INSR: variants seen among roughly 807,000 people sequenced by gnomAD.
INSR encodes the protein insulin receptor, also known as IR.
A neutral mutation model predicts 142.6 loss-of-function variants in INSR; 67 were observed. The observed-to-expected ratio is 0.47, with a 90% CI of 0.39 to 0.58. The LOEUF (loss-of-function observed/expected upper bound fraction) is 0.58, where lower values mean the gene tolerates loss of function less well. Ranked by LOEUF, INSR falls within the 20% of genes least tolerant of loss-of-function variation. The pLI is 0.00. For synonymous variants in INSR, 756 were observed against 743.1 expected (o/e 1.02, Z -0.28); for missense variants, 1,248 against 1,833.2 (o/e 0.68, Z 5.83).
At position 7,225,053 on chromosome 19, in the gene INSR, G is replaced by C. The variant is rs1304533501; in HGVS notation, c.653-40416C>G. Reference sequence around the variant, plus strand: ...CAGCAGCAAAGAGGAGAGAGGAGGGGAGAGGGGAGGTTGTGGCCACATGCT... The same window carrying C: ...CAGCAGCAAAGAGGAGAGAGGAGGGCAGAGGGGAGGTTGTGGCCACATGCT... On this transcript the variant is annotated intron_variant, in intron 2 of 21. Transcript: ENST00000302850. This position sits in a 1 kb window ranked among gnomAD's most constrained non-coding sequence, Gnocchi z 4.7. 6.6e-6 allele frequency among the ~76,000 whole-genome samples: 1 copy of C among 152,062 alleles called. No homozygotes were observed. The highest frequency in any genetic ancestry group is 1.9e-4 in the East Asian group (1 of 5,192).
rs754262409 is a variant in INSR, at chr19:7,185,841, C to CAAAA, written c.653-1208_653-1205dup. On this transcript the variant is annotated intron_variant, in intron 2 of 21. Coordinates refer to ENST00000302850, the MANE Select transcript of INSR (RefSeq NM_000208.4). ...CTGGGCAACAAGTGCAAAATTCTGT[C>CAAAA]AAAAAAAAAAAAAAAAAAGAGAGAG... Among the ~76,000 whole-genome samples, 55 of 45,044 alleles carry CAAAA rather than the reference C, an allele frequency of 1.2e-3. 4 individuals carry two copies. Among genetic ancestry groups the CAAAA allele is most frequent in the South Asian group, 5.6e-3 (4 of 712 alleles). 29.6% of individuals were successfully genotyped at this position (45,044 alleles called of 152,430 possible).
Position 7,122,945 on chromosome 19 carries a change from C to T in INSR, c.3303G>A (p.Val1101=). 1 of 1,608,234 alleles carries T rather than the reference C, an allele frequency of 6.2e-7. No individual in the cohort carries two copies. The highest frequency in any genetic ancestry group is 2.2e-5 in the East Asian group (1 of 44,632). ...GVVSKGQPTL[V]VMELMAHGDL... Reference sequence around the variant, plus strand: ...CTCCGTGAGCCATCAGCTCCATCACCACCAGCGTGGGCTGGCCCTTGGACA... The same window carrying T: ...CTCCGTGAGCCATCAGCTCCATCACTACCAGCGTGGGCTGGCCCTTGGACA... The change falls in exon 18 of 22, where the codon GTG becomes GTA. Residue 1101 remains valine, a synonymous_variant. Coordinates refer to ENST00000302850, the MANE Select transcript of INSR (RefSeq NM_000208.4).
chr19:7,214,902 T>C lies in INSR; in HGVS notation c.653-30265A>G, dbSNP rs182813019. On this transcript the variant is annotated intron_variant, in intron 2 of 21. Coordinates refer to ENST00000302850, the MANE Select transcript of INSR (RefSeq NM_000208.4). ...TTCCTTCCTTGTTCCCTCCCTTTTT[T>C]TTCCTTCCTTCCTTCCCCTCTCCCT... Among the ~76,000 whole-genome samples the C allele has an allele frequency of 6.1e-5, 9 of 148,594 alleles. No individual in the cohort carries two copies. The East Asian group carries it at 1.6e-3, about 27-fold the overall frequency.
chr19:7,293,419 C>G (rs1490382184), intron 1 of INSR, among the ~76,000 whole-genome samples: 1 of 152,208 alleles, frequency 6.6e-6, no homozygotes, highest in Non-Finnish European at 1.5e-5. Context: ...TGTCCAGACC[C>G]AGTGACCCCA....
chr19:7,162,965 T>A (rs939257742), intron 9 of INSR, 67 bp downstream of exon 9: 1 of 1,504,056 alleles, frequency 6.6e-7, no homozygotes, highest in South Asian at 1.1e-5. Flanking sequence ...TCCCTAGAGG[T>A]GAAGCAAAGT....
In INSR at chr19:7,125,152, G is replaced by C. The variant is rs1008899410; in HGVS notation, c.3258+131C>G. 1.8e-6 allele frequency: 2 copies of C among 1,090,464 alleles called. No individual in the cohort carries two copies. The highest frequency in any genetic ancestry group is 3.8e-5 in the Admixed American group (2 of 52,160). The allele number at this position is 1,090,464 out of a possible 1,614,324, so 67.5% of individuals were successfully genotyped here. On this transcript the variant is annotated intron_variant, in intron 17 of 21. Coordinates refer to ENST00000302850, the MANE Select transcript of INSR (RefSeq NM_000208.4). This position sits in a 1 kb window ranked among gnomAD's most constrained non-coding sequence, Gnocchi z 4.9. ...GATCCCTCCTCACACCTCTAGGATG[G>C]GAAGCTTAGTGGAGTGAGGGGTGGG...
Position 7,124,540 on chromosome 19 carries a change from GGAAAAAAAAAAAAAA to G in INSR, c.3258+728_3258+742del, listed in dbSNP as rs1972576968. The stretch of plus-strand genomic sequence containing the variant: ...CACAACAAAGCGAGACTCCGTTTCA[GGAAAAAAAAAAAAAA>G]AAAAAAAAAAAAAAAAAAAAAAAAA... On this transcript the variant is annotated intron_variant, in intron 17 of 21. Coordinates refer to ENST00000302850, the MANE Select transcript of INSR (RefSeq NM_000208.4). Among the ~76,000 whole-genome samples the G allele has an allele frequency of 1.6e-3, 17 of 10,810 alleles. 2 individuals carry two copies. Among genetic ancestry groups the G allele is most frequent in the Middle Eastern group, 0.062 (1 of 16 alleles). The allele number at this position is 10,810 out of a possible 152,430, so 7.1% of individuals were successfully genotyped here. A position where few individuals can be genotyped will look rare whatever the true frequency, so the allele number is the denominator to read the frequency against.
intron 1 of INSR, among the ~76,000 whole-genome samples, chr19:7,291,954 G>A (rs1968503048): frequency 6.8e-6 from 1 of 148,022 alleles, no homozygotes; most frequent in African/African-American, 2.5e-5. Context: ...CACCACGCCC[G>A]GCTAATTTTT....
rs1300045619 is a variant in INSR at position 7,152,847 on chromosome 19, C to A, written c.2110G>T (p.Asp704Tyr). ...SQKHNQSEYE[D>Y]SAGECCSCPK... is the part of the protein sequence containing the mutation. ...CAGGAGCAGCATTCGCCGGCCGAAT[C>A]CTCATACTCACTCTGGTTGTGCTTC... The change falls in exon 10 of 22, where the codon GAT becomes TAT. Residue 704 changes from aspartate to tyrosine, a missense_variant. Transcript: ENST00000302850. 4 of 1,613,310 alleles carry A rather than the reference C, an allele frequency of 2.5e-6. No individual in the cohort carries two copies. The African/African-American group carries it at 4.0e-5, about 16-fold the overall frequency.
intron 5 of INSR, 40 bp from the exon 6 acceptor site, chr19:7,170,791 G>T: frequency 6.7e-7 from 1 of 1,485,864 alleles, no homozygotes; most frequent in Non-Finnish European, 9.4e-7. Context: ...TCAACGGCTG[G>T]TCTTCTACAA....
At chr19:7,127,280 T>A (rs1972669270) in intron 15 of INSR, among the ~76,000 whole-genome samples, 1 of 152,120 alleles carries the variant, frequency 6.6e-6, no homozygotes, top group Non-Finnish European at 1.5e-5. Flanking sequence ...AGCGAGCTCA[T>A]CCCGACTGAT....
intron 13 of INSR, among the ~76,000 whole-genome samples, chr19:7,135,218 A>G (rs762575398): frequency 3.3e-5 from 5 of 151,026 alleles, no homozygotes; most frequent in African/African-American, 1.2e-4. Flanking sequence ...TTCCAAGTGG[A>G]ATGAGTCACC....
chr19:7,239,225 C>T (rs746441509), intron 2 of INSR, among the ~76,000 whole-genome samples: 30 of 152,064 alleles, frequency 2.0e-4, no homozygotes, highest in Non-Finnish European at 3.1e-4. Context: ...AAAGCATTTC[C>T]GACACTTCAA....
At chr19:7,261,594 G>A (rs943503527) in intron 2 of INSR, among the ~76,000 whole-genome samples, 4 of 151,624 alleles carry the variant, frequency 2.6e-5, no homozygotes, top group Admixed American at 6.6e-5. Context: ...GCAATGGCAC[G>A]ATCTCAGCTC....
intron 2 of INSR, among the ~76,000 whole-genome samples, chr19:7,244,501 C>T (rs966750519): frequency 5.5e-5 from 8 of 146,636 alleles, no homozygotes; most frequent in African/African-American, 2.1e-4. Flanking sequence ...CCACTACTCT[C>T]CAGCCTGGGT....
intron 1 of INSR, among the ~76,000 whole-genome samples, chr19:7,274,740 G>A (rs889946018): frequency 4.0e-5 from 6 of 150,072 alleles, no homozygotes; most frequent in African/African-American, 1.5e-4. Context: ...AGGAGGCGGA[G>A]CTTGCAGTGA....
At chr19:7,234,471 G>A (rs185256602) in intron 2 of INSR, among the ~76,000 whole-genome samples, 1 of 152,236 alleles carries the variant, frequency 6.6e-6, no homozygotes, top group African/African-American at 2.4e-5. Context: ...GCTTCCCAAT[G>A]TGCTGGGATT....
intron 4 of INSR, among the ~76,000 whole-genome samples, chr19:7,174,166 C>A (rs889419861): frequency 1.3e-5 from 2 of 151,744 alleles, no homozygotes; most frequent in East Asian, 1.9e-4. Context: ...GTGACACCTG[C>A]CTGTACTCCC....
At chr19:7,180,807 G>A (rs7256990) in intron 3 of INSR, among the ~76,000 whole-genome samples, 12,345 of 152,110 alleles carry the variant, frequency 0.081, 613 homozygotes, top group African/African-American at 0.13. Context: ...GACCACCACG[G>A]CCAGGGGGCA....
Sources: allele counts gnomAD v4.1 joint callset (sites outside exome capture counted in the v4.1 genomes callset), GRCh38; gene constraint gnomAD v4.1.1; non-coding constraint Gnocchi (gnomAD v3.1); transcripts MANE v1.5; gene names NCBI Gene and HGNC (gene_info 2026-07-23, HGNC 2026-07-21).